Variants in LRRC61 observed in about 807,000 individuals in gnomAD.
The protein encoded by LRRC61 is leucine rich repeat containing 61, also known as leucine-rich repeat-containing protein 61.
In LRRC61, 9 loss-of-function variants were observed where a neutral mutation model predicts 15.1. That is an observed-to-expected ratio of 0.60 (90% CI 0.36 to 1.04). LRRC61 has a LOEUF of 1.04. Among genes scored for constraint, LRRC61 ranks in the 50% least tolerant of loss-of-function variants. The pLI is 0.01. For synonymous variants in LRRC61, 173 were observed against 158.6 expected (o/e 1.09, Z -0.68); for missense variants, 344 against 335.6 (o/e 1.03, Z -0.20).
chr7:150,338,030 G>A lies in LRRC61; in HGVS notation c.*389G>A, dbSNP rs1395071894. 1 of 421,506 alleles carries A rather than the reference G, an allele frequency of 2.4e-6. No homozygotes were observed. Among genetic ancestry groups the A allele is most frequent in the Non-Finnish European group, 4.6e-6 (1 of 218,934 alleles). The allele number at this position is 421,506 out of a possible 1,614,324, so 26.1% of individuals were successfully genotyped here. ...GGCTGAGTGGCCCAGAGCACTCCTG[G>A]AAGTGGGACTCCCCTGCCTTGCAAA... On this transcript the variant is annotated 3_prime_UTR_variant, in exon 3 of 3. Transcript: ENST00000359623.
chr7:150,328,489 T>C (rs1304552679), intron 2 of LRRC61: 1 of 152,174 alleles, frequency 6.6e-6, no homozygotes, highest in East Asian at 1.9e-4. Flanking sequence ...ATACAGGAAC[T>C]AGAGGGGGCA....
In LRRC61 at chr7:150,330,870, C is replaced by T; in HGVS notation, c.-145+4860C>T. ...GGGGGAGCCTCTGCAGAGCAGCAGC[C>T]ACTCTGGGGCCTTCCTGCTGGCCCA... On this transcript the variant is annotated intron_variant, in intron 2 of 2. Transcript: ENST00000359623. The surrounding 1 kb of genome is among the most constrained non-coding windows in gnomAD (Gnocchi z 4.6). 1 of 1,609,652 alleles carries T rather than the reference C, an allele frequency of 6.2e-7. No homozygotes were observed.
intron 2 of LRRC61, among the ~76,000 whole-genome samples, chr7:150,329,208 A>G (rs1196678301): frequency 1.3e-5 from 2 of 152,250 alleles, no homozygotes; most frequent in Non-Finnish European, 2.9e-5. Context: ...TATTCCTGCT[A>G]TGCAGGCCTG....
rs1798137203 is a variant in LRRC61, at chr7:150,332,388, T to C, written c.-144-4330T>C. On this transcript the variant is annotated intron_variant, in intron 2 of 2. Transcript: ENST00000359623. ...AAGAGGCAGGGGAAGGCTCCAGGCC[T>C]AACTTGGAGCATGTCACTGGCCATG... 1.8e-5 allele frequency: 3 copies of C among 167,114 alleles called. No homozygotes were observed. In the South Asian group the frequency reaches 6.2e-4, roughly 35 times the overall value. The allele number at this position is 167,114 out of a possible 1,614,324, so 10.4% of individuals were successfully genotyped here.
chr7:150,329,707 C>G (rs1798045457), intron 2 of LRRC61: 1 of 152,302 alleles, frequency 6.6e-6, no homozygotes. Context: ...ACCTGTCCTT[C>G]TTAAAAAGGA....
rs541541002 is a variant in LRRC61, at chr7:150,336,410, C to T, written c.-144-308C>T. Among the ~76,000 whole-genome samples, 108 of 152,292 alleles carry T rather than the reference C, an allele frequency of 7.1e-4. 1 individual carries two copies. Among genetic ancestry groups the T allele is most frequent in the Admixed American group, 2.2e-3 (33 of 15,304 alleles). ...AATAGGGATGGATCGTGAGTGGTTACGGAAAAAGTAAAATAATGTTTTGCC... is the reference window on the plus strand; with the variant it reads ...AATAGGGATGGATCGTGAGTGGTTATGGAAAAAGTAAAATAATGTTTTGCC... On this transcript the variant is annotated intron_variant, in intron 2 of 2. Transcript: ENST00000359623.
upstream of LRRC61, among the ~76,000 whole-genome samples, chr7:150,319,271 G>A (rs1029199308): frequency 6.6e-6 from 1 of 150,920 alleles, no homozygotes; most frequent in Non-Finnish European, 1.5e-5. Flanking sequence ...CCAATGGCGT[G>A]AGCTTGGCTC....
At chr7:150,323,619 C>G (rs993372718) in intron 1 of LRRC61, 59 bp downstream of exon 1, 4 of 454,040 alleles carry the variant, frequency 8.8e-6, no homozygotes, top group Non-Finnish European at 1.8e-5. Flanking sequence ...GGGCCCGTGC[C>G]GGCCCCGGGG....
Position 150,323,530 on chromosome 7 carries a change from G to C in LRRC61, c.-345G>C, listed in dbSNP as rs751063014. On this transcript the variant is annotated 5_prime_UTR_variant, in exon 1 of 3. Coordinates refer to ENST00000359623, the MANE Select transcript of LRRC61 (RefSeq NM_001142928.2). ...CGCCGGACTTCCCAGCTTGGCCAGT[G>C]GCTCCGCAGGCTGCCGGCTCCACCC... 27 of 437,294 alleles carry C rather than the reference G, an allele frequency of 6.2e-5. No individual in the cohort carries two copies. Among genetic ancestry groups the C allele is most frequent in the Non-Finnish European group, 1.1e-4 (25 of 219,672 alleles). 27.1% of individuals were successfully genotyped at this position (437,294 alleles called of 1,614,324 possible). A position where few individuals can be genotyped will look rare whatever the true frequency, so the allele number is the denominator to read the frequency against.
upstream of LRRC61, among the ~76,000 whole-genome samples, chr7:150,318,557 T>A (rs1284030921): frequency 3.3e-5 from 5 of 151,272 alleles, no homozygotes; most frequent in Non-Finnish European, 7.4e-5. Flanking sequence ...AGATCAGGAG[T>A]TCAAGACCAG....
intron 1 of LRRC61, chr7:150,324,453 G>C (rs973811580): frequency 5.9e-5 from 9 of 152,278 alleles, no homozygotes; most frequent in South Asian, 2.1e-4. Context: ...CTAATTTCTT[G>C]AGCCAGTGTG....
chr7:150,337,553 G>A lies in LRRC61; in HGVS notation c.692G>A (p.Trp231Ter). The A allele has an allele frequency of 6.2e-7, 1 of 1,601,422 alleles. No homozygotes were observed. Residue 231 changes from tryptophan to a stop codon, truncating the protein, a stop_gained, in exon 3 of 3, where the codon TGG becomes TAG. Transcript: ENST00000359623. LOFTEE classifies it high-confidence loss of function. ...RQFQDTLQEC[W>*]DLDRQASDSL... ...TTCCAGGACACACTGCAGGAGTGCT[G>A]GGACCTGGACCGCCAGGCCAGCGAC... is the stretch of plus-strand genomic sequence containing the variant.
chr7:150,325,257 C>T (rs966878959), intron 1 of LRRC61, among the ~76,000 whole-genome samples: 4 of 152,258 alleles, frequency 2.6e-5, no homozygotes, highest in East Asian at 1.9e-4. Context: ...GCCGTCACCC[C>T]GGCCTGGCCC....
chr7:150,310,492 C>CCAAACCCCTATACT, the LRRC61 span, among the ~76,000 whole-genome samples: 4,229 of 152,140 alleles, frequency 0.028, 214 homozygotes, highest in African/African-American at 0.097. Context: ...AAGACCTTTG[C>CCAAACCCCTATACT]CTCATAAATC....
upstream of LRRC61, chr7:150,323,335 G>C (rs1343851289): frequency 7.3e-6 from 2 of 273,822 alleles, no homozygotes; most frequent in Non-Finnish European, 1.4e-5. Context: ...CTTTGGCCAG[G>C]CCCCCTGGGC....
At chr7:150,324,169 G>A (rs1290718478) in intron 1 of LRRC61, among the ~76,000 whole-genome samples, 1 of 152,116 alleles carries the variant, frequency 6.6e-6, no homozygotes, top group Admixed American at 6.5e-5. Flanking sequence ...CACAGATGTT[G>A]TGGAGGAAGA....
In LRRC61 at chr7:150,333,587, A is replaced by G. The variant is rs994032622; in HGVS notation, c.-144-3131A>G. Among the ~76,000 whole-genome samples, 1 of 152,206 alleles carries G rather than the reference A, an allele frequency of 6.6e-6. No individual in the cohort carries two copies. The highest frequency in any genetic ancestry group is 2.4e-5 in the African/African-American group (1 of 41,458). On this transcript the variant is annotated intron_variant, in intron 2 of 2. Transcript: ENST00000359623. The surrounding 1 kb of genome is among the most constrained non-coding windows in gnomAD (Gnocchi z 4.3). ...ATTTCCCAGGCAGAAGACACTCACC[A>G]ACGCCTGGGACCATCTTCCCTGGTT...
chr7:150,313,519 T>C, the LRRC61 span, among the ~76,000 whole-genome samples: 7 of 152,274 alleles, frequency 4.6e-5, no homozygotes, highest in Admixed American at 3.9e-4. Flanking sequence ...ATTGTAAATG[T>C]TTCTTATCAG....
chr7:150,312,729 C>A, the LRRC61 span, among the ~76,000 whole-genome samples: 3 of 152,148 alleles, frequency 2.0e-5, no homozygotes, highest in African/African-American at 7.2e-5. Context: ...TGAGAAACAT[C>A]GCCCCTACCC....
Sources: allele counts gnomAD v4.1 joint callset (sites outside exome capture counted in the v4.1 genomes callset), GRCh38; gene constraint gnomAD v4.1.1; non-coding constraint Gnocchi (gnomAD v3.1); transcripts MANE v1.5; gene names NCBI Gene and HGNC (gene_info 2026-07-23, HGNC 2026-07-21).